The following CFAP251 variants were observed in gnomAD, a reference collection of about 807,000 sequenced individuals.
The protein encoded by CFAP251 is cilia- and flagella-associated protein 251.
CFAP251 carries 93 observed loss-of-function variants against 126.7 expected under a neutral mutation model. The ratio of observed to expected loss-of-function variants is 0.73; its 90% CI spans 0.62 to 0.87. CFAP251 has a LOEUF of 0.87. Among genes scored for constraint, CFAP251 ranks in the 40% least tolerant of loss-of-function variants. The pLI, the probability that CFAP251 is intolerant of heterozygous loss-of-function variation, is 0.00. For missense variants in CFAP251, 1,287 were observed against 1,389.2 expected, an observed-to-expected ratio of 0.93 and a Z score of 1.17; for synonymous variants, 503 against 506.9, an observed-to-expected ratio of 0.99 and a Z score of 0.10.
chr12:121,920,302 G>A (rs532041998), intron 1 of CFAP251, among the ~76,000 whole-genome samples: 18 of 126,896 alleles, frequency 1.4e-4, no homozygotes, highest in Non-Finnish European at 2.7e-4. Context: ...ATCTTGGCTC[G>A]CTGCAACCTC....
In CFAP251 at chr12:121,967,595, A is replaced by G. The variant is rs535965095; in HGVS notation, c.2608-411A>G. Among the ~76,000 whole-genome samples the G allele has an allele frequency of 5.3e-5, 8 of 152,278 alleles. No individual in the cohort carries two copies. The East Asian group carries it at 7.7e-4, about 15-fold the overall frequency. On this transcript the variant is annotated intron_variant, in intron 16 of 21. Transcript: ENST00000288912. ...TGGGCGCCTGTAGTCCCAGCTACTC[A>G]GGAGGCTGAGGCAGGAGAATGGCAT...
intron 2 of CFAP251, 99 bp from the exon 3 acceptor site, chr12:121,923,523 T>C: frequency 7.0e-7 from 1 of 1,434,430 alleles, no homozygotes; most frequent in African/African-American, 1.4e-5. Flanking sequence ...AATTCCTAGG[T>C]GAGGCTAACA....
chr12:121,961,460 G>A (rs1214162269), intron 14 of CFAP251, among the ~76,000 whole-genome samples: 3 of 151,914 alleles, frequency 2.0e-5, no homozygotes, highest in Non-Finnish European at 4.4e-5. Context: ...ACCTGTATGG[G>A]CCCAGTTCAG....
At position 121,918,780 on chromosome 12, in the gene CFAP251, G is replaced by A. The variant is rs1338340728; in HGVS notation, c.-21+85G>A. Reference sequence around the variant, plus strand: ...ACCTGGCGGGGTCTGGTGCCCCTTGGGGGGCGCTCACCCGACCTGGCCCTT... The same window carrying A: ...ACCTGGCGGGGTCTGGTGCCCCTTGAGGGGCGCTCACCCGACCTGGCCCTT... On this transcript the variant is annotated intron_variant, in intron 1 of 21. Coordinates refer to ENST00000288912, the MANE Select transcript of CFAP251 (RefSeq NM_144668.6). The surrounding 1 kb of genome is among the most constrained non-coding windows in gnomAD (Gnocchi z 4.3). 1 of 152,526 alleles carries A rather than the reference G, an allele frequency of 6.6e-6. No homozygotes were observed. The highest frequency in any genetic ancestry group is 2.4e-5 in the African/African-American group (1 of 41,578). 9.4% of individuals were successfully genotyped at this position (152,526 alleles called of 1,614,324 possible).
chr12:121,987,819 C>T (rs541850120), intron 19 of CFAP251, among the ~76,000 whole-genome samples: 7 of 152,096 alleles, frequency 4.6e-5, no homozygotes, highest in Admixed American at 1.3e-4. Flanking sequence ...ACTTAGCTAC[C>T]GAGGGCACAG....
At chr12:122,003,528 G>A (rs1883191811) in intron 21 of CFAP251, 124 bp from the exon 22 acceptor site, 4 of 656,758 alleles carry the variant, frequency 6.1e-6, no homozygotes, top group South Asian at 3.6e-5. Context: ...AGCTATGATC[G>A]TGTCACTGCA....
intron 20 of CFAP251, among the ~76,000 whole-genome samples, chr12:122,000,582 A>G (rs1011022605): frequency 5.3e-5 from 8 of 152,046 alleles, no homozygotes; most frequent in African/African-American, 1.9e-4. Flanking sequence ...AAGAAAAGAA[A>G]AGAAAACAAA....
chr12:121,969,324 A>G, intron 17 of CFAP251: 9 of 985,274 alleles, frequency 9.1e-6, no homozygotes, highest in Non-Finnish European at 1.1e-5. Flanking sequence ...CACCTGAGAG[A>G]GCAGATCTTG....
In CFAP251 at chr12:121,923,890, A is replaced by G. The variant is rs1359135045; in HGVS notation, c.647A>G (p.Asp216Gly). ...GAGGGACAAGAAAGGAGAGTATCCG[A>G]CATCCAGTCCAAAGCAGGGATCTCC... Reference protein sequence around the residue: ...REEGQERRVSDIQSKAGISRE... With the variant: ...REEGQERRVSGIQSKAGISRE... Residue 216 changes from aspartate to glycine, a missense_variant, in exon 3 of 22, where the codon GAC (aspartate) becomes GGC (glycine). By Grantham distance (94) the Asp-to-Gly change is moderately conservative. Transcript: ENST00000288912. The G allele has an allele frequency of 1.9e-6, 3 of 1,614,126 alleles. No homozygotes were observed. The highest frequency in any genetic ancestry group is 2.5e-6 in the Non-Finnish European group (3 of 1,180,032).
intron 8 of CFAP251, 177 bp from the exon 9 acceptor site, chr12:121,951,303 T>C (rs961968141): frequency 6.6e-6 from 3 of 453,520 alleles, no homozygotes; most frequent in African/African-American, 3.9e-5. Context: ...TTTTTATGTA[T>C]TTGCTTTTCT....
intron 19 of CFAP251, among the ~76,000 whole-genome samples, chr12:121,992,698 C>A (rs1882902630): frequency 6.6e-6 from 1 of 151,998 alleles, no homozygotes; most frequent in Non-Finnish European, 1.5e-5. Context: ...CCATCTCAGC[C>A]TCCCAAGTAG....
Position 121,923,480 on chromosome 12 carries a change from A to G in CFAP251, c.379-142A>G, listed in dbSNP as rs987751295. 48 of 1,157,764 alleles carry G rather than the reference A, an allele frequency of 4.1e-5. No individual in the cohort carries two copies. In the Admixed American group the frequency reaches 1.2e-3, roughly 30 times the overall value. 71.7% of individuals were successfully genotyped at this position (1,157,764 alleles called of 1,614,324 possible). ...CATCTTGTTTTGTTTTTTAAGTACA[A>G]AATGTTCCAGCCTCTTTTAAAAAAC... On this transcript the variant is annotated intron_variant, in intron 2 of 21. Transcript: ENST00000288912.
chr12:121,949,086 T>C, intron 8 of CFAP251, 25 bp downstream of exon 8: 2 of 1,479,540 alleles, frequency 1.4e-6, no homozygotes, highest in Non-Finnish European at 1.9e-6. Flanking sequence ...TTTGATTTGT[T>C]TTAAATGTGG....
chr12:121,938,549 C>T (rs1321410867), intron 5 of CFAP251, among the ~76,000 whole-genome samples: 5 of 150,332 alleles, frequency 3.3e-5, no homozygotes, highest in Non-Finnish European at 7.4e-5. Flanking sequence ...AGGCTGGTCT[C>T]GAATTCCTGG....
chr12:121,961,442 G>A (rs73415659), intron 14 of CFAP251, among the ~76,000 whole-genome samples: 3,320 of 151,618 alleles, frequency 0.022, 108 homozygotes, highest in African/African-American at 0.075. Flanking sequence ...CCCTGCCCAC[G>A]GAAGCATACC....
chr12:121,929,616 T>G (rs1321897855), intron 3 of CFAP251, among the ~76,000 whole-genome samples: 1 of 151,932 alleles, frequency 6.6e-6, no homozygotes, highest in African/African-American at 2.4e-5. Flanking sequence ...ATTCATGCCC[T>G]GAAACCCCCT....
At chr12:121,991,041 G>A (rs1465197380) in intron 19 of CFAP251, among the ~76,000 whole-genome samples, 1 of 152,226 alleles carries the variant, frequency 6.6e-6, no homozygotes, top group Non-Finnish European at 1.5e-5. Flanking sequence ...CAAATGCTCA[G>A]TAACTACTAG....
chr12:121,998,595 G>A (rs1354689928), intron 19 of CFAP251: 1 of 150,076 alleles, frequency 6.7e-6, no homozygotes, highest in Non-Finnish European at 1.5e-5. Flanking sequence ...CTCCAGGACA[G>A]TGTGGAATGG....
intron 11 of CFAP251, 97 bp downstream of exon 11, chr12:121,957,365 T>G: frequency 8.3e-7 from 1 of 1,206,078 alleles, no homozygotes. Flanking sequence ...GTTCCTGGGA[T>G]ATCTCCCTGG....
Sources: allele counts gnomAD v4.1 joint callset (sites outside exome capture counted in the v4.1 genomes callset), GRCh38; gene constraint gnomAD v4.1.1; non-coding constraint Gnocchi (gnomAD v3.1); transcripts MANE v1.5; gene names NCBI Gene and HGNC (gene_info 2026-07-23, HGNC 2026-07-21).